TBC1D5: variants seen among roughly 807,000 people sequenced by gnomAD.
TBC1D5 encodes TBC1 domain family member 5.
A neutral mutation model predicts 100.3 loss-of-function variants in TBC1D5; 75 were observed. That is an observed-to-expected ratio of 0.75 (90% CI 0.62 to 0.91). TBC1D5 has a LOEUF of 0.91. Ranked by LOEUF, TBC1D5 falls within the 40% of genes least tolerant of loss-of-function variation. TBC1D5 has a pLI of 0.00. For synonymous variants in TBC1D5, 323 were observed against 325.6 expected (o/e 0.99, Z 0.09); for missense variants, 910 against 942.4 (o/e 0.97, Z 0.45).
chr3:17,386,204 C>G (rs1282472996), intron 8 of TBC1D5, among the ~76,000 whole-genome samples: 1 of 152,018 alleles, frequency 6.6e-6, no homozygotes, highest in Non-Finnish European at 1.5e-5. Flanking sequence ...TTCAAGTAGG[C>G]TTCATTCCCA....
intron 2 of TBC1D5, among the ~76,000 whole-genome samples, chr3:17,603,085 T>C (rs1433263090): frequency 2.0e-5 from 3 of 151,740 alleles, no homozygotes; most frequent in Admixed American, 2.0e-4. Context: ...CTGTGGACTA[T>C]CTCCATCCTC....
At chr3:17,637,188 ATTTTTTTTTTT>A (rs1186523023) in intron 1 of TBC1D5, among the ~76,000 whole-genome samples, 34 of 95,480 alleles carry the variant, frequency 3.6e-4, no homozygotes, top group African/African-American at 1.3e-3. Context: ...TGCCCGACTA[ATTTTTTTTTTT>A]TTTTTTTTTT....
intron 15 of TBC1D5, among the ~76,000 whole-genome samples, chr3:17,277,392 C>T (rs1005409034): frequency 2.6e-5 from 4 of 152,040 alleles, no homozygotes; most frequent in African/African-American, 9.7e-5. Context: ...ATGGGTGGCA[C>T]ATAGTTCAAG....
intron 1 of TBC1D5, among the ~76,000 whole-genome samples, chr3:17,686,606 A>G (rs992405864): frequency 1.4e-4 from 22 of 152,208 alleles, no homozygotes; most frequent in Non-Finnish European, 2.9e-5. Flanking sequence ...CCCAAGTGGC[A>G]GGAAAGATCC....
chr3:17,697,464 G>C (rs2072313074), intron 1 of TBC1D5, among the ~76,000 whole-genome samples: 1 of 152,112 alleles, frequency 6.6e-6, no homozygotes, highest in South Asian at 2.1e-4. Flanking sequence ...ACAAATAACA[G>C]ACAAACAGAG....
chr3:17,257,895 C>A (rs1012889274), intron 16 of TBC1D5, among the ~76,000 whole-genome samples: 3 of 152,156 alleles, frequency 2.0e-5, no homozygotes. Context: ...AAATTACATT[C>A]TAATTTGAAA....
At chr3:17,529,871 A>G (rs951973015) in intron 2 of TBC1D5, among the ~76,000 whole-genome samples, 3 of 152,284 alleles carry the variant, frequency 2.0e-5, no homozygotes, top group African/African-American at 2.4e-5. Flanking sequence ...CCACAATGAC[A>G]TGTCATAAAT....
chr3:17,326,220 G>A (rs1264602875), intron 13 of TBC1D5, among the ~76,000 whole-genome samples: 1 of 152,112 alleles, frequency 6.6e-6, no homozygotes, highest in South Asian at 2.1e-4. Flanking sequence ...TAATCAAAGA[G>A]AGCAAAACTG....
intron 16 of TBC1D5, among the ~76,000 whole-genome samples, chr3:17,244,363 T>C (rs1020592123): frequency 2.2e-4 from 34 of 152,190 alleles, no homozygotes; most frequent in Non-Finnish European, 8.8e-5. Flanking sequence ...GAGGCTTGTA[T>C]ACTAGTATAG....
rs569313928 is a variant in TBC1D5, at chr3:17,559,275, G to A, written c.-35-50670C>T. On this transcript the variant is annotated intron_variant, in intron 2 of 21. Transcript: ENST00000253692. ...CCTGCCTCAGCCTCCCAAGTAGCTG[G>A]GATTACAGGCATGGCCACCACACCC... is the stretch of plus-strand genomic sequence containing the variant. Among the ~76,000 whole-genome samples, 36 of 151,848 alleles carry A rather than the reference G, an allele frequency of 2.4e-4. No homozygotes were observed. The East Asian group carries it at 7.0e-3, about 30-fold the overall frequency.
chr3:17,543,931 G>A (rs1046149218), intron 2 of TBC1D5, among the ~76,000 whole-genome samples: 4 of 151,324 alleles, frequency 2.6e-5, no homozygotes, highest in Admixed American at 6.6e-5. Flanking sequence ...GCAGTGGCGC[G>A]ATCTCGGCTC....
chr3:17,235,797 T>C (rs2075808767), intron 17 of TBC1D5, among the ~76,000 whole-genome samples: 2 of 152,166 alleles, frequency 1.3e-5, no homozygotes. Context: ...TCTTCTATCG[T>C]CTACTTCCAC....
chr3:17,685,087 T>A (rs1451273881), intron 1 of TBC1D5, among the ~76,000 whole-genome samples: 2 of 152,084 alleles, frequency 1.3e-5, no homozygotes, highest in Non-Finnish European at 1.5e-5. Flanking sequence ...TATCATTAAT[T>A]TGTAAGTGAC....
intron 3 of TBC1D5, among the ~76,000 whole-genome samples, chr3:17,487,413 AT>A (rs2095583273): frequency 6.6e-6 from 1 of 152,176 alleles, no homozygotes; most frequent in Admixed American, 6.5e-5. Context: ...AGGATTGGTC[AT>A]TTTTTGAAAA....
At chr3:17,573,765 C>G (rs1479102892) in intron 2 of TBC1D5, among the ~76,000 whole-genome samples, 1 of 151,980 alleles carries the variant, frequency 6.6e-6, no homozygotes, top group Admixed American at 6.6e-5. Flanking sequence ...AAACTATCCT[C>G]CATCCCAACC....
intron 18 of TBC1D5, among the ~76,000 whole-genome samples, chr3:17,190,608 C>T (rs906934980): frequency 1.2e-4 from 19 of 152,200 alleles, no homozygotes; most frequent in South Asian, 1.0e-3. Context: ...ATTATGTTTT[C>T]GGGGTTGGGG....
At chr3:17,492,801 C>A (rs2150579868) in intron 3 of TBC1D5, among the ~76,000 whole-genome samples, 1 of 152,310 alleles carries the variant, frequency 6.6e-6, no homozygotes, top group Non-Finnish European at 1.5e-5. Context: ...TCTCTTTTCT[C>A]ATTAGTTTCA....
intron 1 of TBC1D5, among the ~76,000 whole-genome samples, chr3:17,659,942 T>C (rs1247198220): frequency 6.6e-6 from 1 of 152,040 alleles, no homozygotes; most frequent in African/African-American, 2.4e-5. Context: ...GACAAACCAC[T>C]GAGAATTTGG....
intron 15 of TBC1D5, among the ~76,000 whole-genome samples, chr3:17,269,373 C>T (rs2079148105): frequency 6.6e-6 from 1 of 152,112 alleles, no homozygotes; most frequent in African/African-American, 2.4e-5. Flanking sequence ...CTGCCGATAG[C>T]AGAGAGATTT....
Sources: allele counts gnomAD v4.1 joint callset (sites outside exome capture counted in the v4.1 genomes callset), GRCh38; gene constraint gnomAD v4.1.1; transcripts MANE v1.5; gene names NCBI Gene and HGNC (gene_info 2026-07-23, HGNC 2026-07-21).